Variants in FHOD3 observed in about 807,000 individuals in gnomAD.
FHOD3 encodes the protein formin homology 2 domain containing 3.
In FHOD3, 90 loss-of-function variants were observed where a neutral mutation model predicts 173.0. That is an observed-to-expected ratio of 0.52 (90% confidence interval 0.44 to 0.62). FHOD3 has a LOEUF of 0.62. Among genes scored for constraint, FHOD3 ranks in the 20% least tolerant of loss-of-function variants. FHOD3 has a pLI of 0.00. For missense variants in FHOD3, 1,945 were observed against 2,034.7 expected (o/e 0.96, Z 0.85); for synonymous variants, 828 against 823.0 (o/e 1.01, Z -0.10).
At chr18:36,500,198 C>T (rs2054957464) in intron 3 of FHOD3, among the ~76,000 whole-genome samples, 1 of 152,244 alleles carries the variant, frequency 6.6e-6, no homozygotes, top group Admixed American at 6.5e-5. Context: ...GTGATGTCAT[C>T]TAGTGGGAGT....
At chr18:36,694,965 A>T (rs1459721550) in intron 17 of FHOD3, among the ~76,000 whole-genome samples, 1 of 142,338 alleles carries the variant, frequency 7.0e-6, no homozygotes, top group Non-Finnish European at 1.5e-5. Flanking sequence ...TAGTCATTTC[A>T]TGTATACGTG....
At chr18:36,336,632 T>G (rs1451593732) in intron 1 of FHOD3, among the ~76,000 whole-genome samples, 3 of 150,190 alleles carry the variant, frequency 2.0e-5, no homozygotes, top group Admixed American at 6.6e-5. Flanking sequence ...AGATCAGGAG[T>G]TCGAGGCCAG....
chr18:36,735,483 G>C (rs1435504604), intron 20 of FHOD3, among the ~76,000 whole-genome samples: 1 of 152,202 alleles, frequency 6.6e-6, no homozygotes, highest in Non-Finnish European at 1.5e-5. Flanking sequence ...CTAGAAACTA[G>C]AGGTAGCCCC....
At chr18:36,307,252 G>A (rs2092125478) in intron 1 of FHOD3, among the ~76,000 whole-genome samples, 1 of 152,228 alleles carries the variant, frequency 6.6e-6, no homozygotes, top group Admixed American at 6.5e-5. Flanking sequence ...ATGAGCCACT[G>A]CGCCTGGCCT....
At chr18:36,425,254 G>T (rs908952140) in intron 3 of FHOD3, among the ~76,000 whole-genome samples, 1 of 152,120 alleles carries the variant, frequency 6.6e-6, no homozygotes, top group Admixed American at 6.5e-5. Context: ...TTTATCATAA[G>T]TATGCATGTA....
At chr18:36,501,114 C>A (rs953515475) in intron 3 of FHOD3, among the ~76,000 whole-genome samples, 3 of 152,208 alleles carry the variant, frequency 2.0e-5, no homozygotes, top group Non-Finnish European at 4.4e-5. Flanking sequence ...CTTCCTGAGG[C>A]CTGGTCTAAC....
At chr18:36,538,777 T>C (rs1599566068) in intron 5 of FHOD3, among the ~76,000 whole-genome samples, 1 of 151,978 alleles carries the variant, frequency 6.6e-6, no homozygotes, top group African/African-American at 2.4e-5. Flanking sequence ...TGGTGGGAGG[T>C]AGGAATGTGT....
chr18:36,624,197 A>G, intron 9 of FHOD3, among the ~76,000 whole-genome samples: 1 of 152,212 alleles, frequency 6.6e-6, no homozygotes, highest in East Asian at 1.9e-4. Flanking sequence ...GAAGGCAGTC[A>G]TATTCATTGA....
chr18:36,656,060 G>A (rs2149160893), intron 13 of FHOD3, among the ~76,000 whole-genome samples: 1 of 152,338 alleles, frequency 6.6e-6, no homozygotes, highest in South Asian at 2.1e-4. Flanking sequence ...ACACAGGCAT[G>A]GAGCCTGTGT....
At chr18:36,557,300 G>A (rs1006597379) in intron 5 of FHOD3, among the ~76,000 whole-genome samples, 43 of 151,854 alleles carry the variant, frequency 2.8e-4, no homozygotes, top group African/African-American at 8.5e-4. Flanking sequence ...TATGTGCTAC[G>A]TTTACCGATG....
rs780769581 is a variant in FHOD3, at chr18:36,506,327, T to TG, written c.405+4329dup. Among the ~76,000 whole-genome samples the TG allele has an allele frequency of 3.7e-4, 56 of 152,276 alleles. 1 individual carries two copies. The Middle Eastern group carries it at 0.017, about 46-fold the overall frequency. On this transcript the variant is annotated intron_variant, in intron 4 of 28. Transcript: ENST00000590592. ...TTCAAAAGCAGTTTAGCATGAAGGATGTTCAGCATGAAGGATATACTACTG... is the reference window on the plus strand; with the variant it reads ...TTCAAAAGCAGTTTAGCATGAAGGATGGTTCAGCATGAAGGATATACTACTG...
intron 3 of FHOD3, among the ~76,000 whole-genome samples, chr18:36,468,855 G>C (rs1166818660): frequency 6.6e-6 from 1 of 152,130 alleles, no homozygotes; most frequent in African/African-American, 2.4e-5. Flanking sequence ...TAGCAAGGGT[G>C]CAGGCAATGG....
chr18:36,774,680 A>T (rs1473909852), intron 28 of FHOD3, among the ~76,000 whole-genome samples: 1 of 152,172 alleles, frequency 6.6e-6, no homozygotes, highest in Non-Finnish European at 1.5e-5. Context: ...AAAATATAAG[A>T]CTTACAGAAA....
At chr18:36,708,659 T>C (rs912797109) in intron 17 of FHOD3, among the ~76,000 whole-genome samples, 2 of 152,170 alleles carry the variant, frequency 1.3e-5, no homozygotes, top group African/African-American at 4.8e-5. Context: ...ATCCAGTTCC[T>C]TGTGCCCACA....
intron 5 of FHOD3, among the ~76,000 whole-genome samples, chr18:36,558,498 T>C (rs1057197425): frequency 2.0e-5 from 3 of 152,234 alleles, no homozygotes; most frequent in African/African-American, 7.2e-5. Context: ...ATTTAAAATA[T>C]GTTGATAGTG....
chr18:36,328,357 T>A (rs917115366), intron 1 of FHOD3, among the ~76,000 whole-genome samples: 1 of 151,962 alleles, frequency 6.6e-6, no homozygotes, highest in Non-Finnish European at 1.5e-5. Flanking sequence ...TGAGGAGCTT[T>A]CTGGGTGGGG....
chr18:36,581,770 AC>A (rs1226643342), intron 6 of FHOD3, among the ~76,000 whole-genome samples: 1 of 151,692 alleles, frequency 6.6e-6, no homozygotes, highest in African/African-American at 2.4e-5. Context: ...CAGCCACCCC[AC>A]CCCCAACACT....
intron 5 of FHOD3, among the ~76,000 whole-genome samples, chr18:36,518,700 C>T (rs1013793177): frequency 2.0e-5 from 3 of 152,196 alleles, no homozygotes; most frequent in Non-Finnish European, 4.4e-5. Context: ...TCTTGAAGTA[C>T]TGAAAACTTA....
At chr18:36,528,529 T>A (rs926832115) in intron 5 of FHOD3, among the ~76,000 whole-genome samples, 11 of 152,298 alleles carry the variant, frequency 7.2e-5, no homozygotes, top group African/African-American at 2.4e-4. Flanking sequence ...GATGTCCTTG[T>A]CCCTCGCTTC....
Sources: gnomAD v4.1 joint callset for allele counts (sites outside exome capture counted in the v4.1 genomes callset) on GRCh38, gnomAD v4.1.1 for gene constraint, MANE v1.5 for transcripts, NCBI Gene and HGNC (gene_info 2026-07-23, HGNC 2026-07-21) for gene names.